The following YWHAZ variants were observed in gnomAD, a reference collection of about 807,000 sequenced individuals.
The protein encoded by YWHAZ is 14-3-3 protein zeta/delta.
For missense variants in YWHAZ, 79 were observed against 284.8 expected (o/e 0.28, Z 5.20); for synonymous variants, 87 against 103.6 (o/e 0.84, Z 0.97).
upstream of YWHAZ, chr8:100,952,244 C>T: frequency 2.7e-6 from 2 of 745,816 alleles, no homozygotes; most frequent in African/African-American, 1.9e-5. Flanking sequence ...CGCGTCCTCG[C>T]CCGCAGCCGC....
chr8:100,931,308 C>A (rs901249591), intron 2 of YWHAZ, among the ~76,000 whole-genome samples: 4 of 152,182 alleles, frequency 2.6e-5, no homozygotes, highest in Admixed American at 6.5e-5. Flanking sequence ...TAGACTCAAC[C>A]TGATCCCACT....
chr8:100,927,251 G>A (rs1376672), intron 2 of YWHAZ, among the ~76,000 whole-genome samples: 67,902 of 151,958 alleles, frequency 0.45, 16,161 homozygotes, highest in South Asian at 0.63. Context: ...TGCAGGGCAC[G>A]GTGGCTCACT....
Position 100,940,809 on chromosome 8 carries a change from A to AAAAATTCAATCAAAAATTCAATGAAT in YWHAZ, c.294+7786_294+7787insATTCATTGAATTTTTGATTGAATTTT, listed in dbSNP as rs1464185849. On this transcript the variant is annotated intron_variant, in intron 2 of 5. Transcript: ENST00000395958. ...AATGCAGTAAAACTTGCCCCAAATC[A>AAAAATTCAATCAAAAATTCAATGAAT]CACAATGAATCAAAAATTCAAAAAG... 9.2e-5 allele frequency among the ~76,000 whole-genome samples: 14 copies of AAAAATTCAATCAAAAATTCAATGAAT among 152,358 alleles called. No homozygotes were observed. The Middle Eastern group carries it at 0.01, about 111-fold the overall frequency.
chr8:100,938,171 C>G (rs951116659), intron 2 of YWHAZ, among the ~76,000 whole-genome samples: 1 of 152,206 alleles, frequency 6.6e-6, no homozygotes, highest in African/African-American at 2.4e-5. Flanking sequence ...AAAATTAAAG[C>G]CACTTATTTT....
At chr8:100,928,773 A>G (rs1170965618) in intron 2 of YWHAZ, among the ~76,000 whole-genome samples, 1 of 152,122 alleles carries the variant, frequency 6.6e-6, no homozygotes, top group Admixed American at 6.6e-5. Context: ...CTCAGCCTCA[A>G]TGGGGTGATA....
intron 1 of YWHAZ, among the ~76,000 whole-genome samples, chr8:100,949,283 T>C (rs34072712): frequency 0.27 from 41,676 of 152,114 alleles, 6,048 homozygotes; most frequent in Non-Finnish European, 0.33. Context: ...CTTTTCTTCC[T>C]TTAGTAAAAG....
chr8:100,923,811 G>T, intron 5 of YWHAZ, 144 bp downstream of exon 5: 1 of 568,754 alleles, frequency 1.8e-6, no homozygotes, highest in Non-Finnish European at 3.0e-6. Context: ...GACTTTAATA[G>T]TAGCTGAGAT....
Position 100,920,467 on chromosome 8 carries a change from C to G in YWHAZ, c.*226G>C. On this transcript the variant is annotated 3_prime_UTR_variant, in exon 6 of 6. Coordinates refer to ENST00000395958, the MANE Select transcript of YWHAZ (RefSeq NM_145690.3). ...TAACTTGTATAAAAATTCCACATCC[C>G]CATATTGGCCACCTCAAGATGAAAA... The G allele has an allele frequency of 1.8e-6, 1 of 556,600 alleles. No individual in the cohort carries two copies. Among genetic ancestry groups the G allele is most frequent in the Non-Finnish European group, 3.2e-6 (1 of 316,342 alleles). 34.5% of individuals were successfully genotyped at this position (556,600 alleles called of 1,614,324 possible).
chr8:100,950,661 G>GGT, intron 1 of YWHAZ: 8 of 915,000 alleles, frequency 8.7e-6, no homozygotes, highest in Non-Finnish European at 1.0e-5. Flanking sequence ...AAGCCGTGGG[G>GGT]GGGGGGGAGA....
At chr8:100,946,838 G>C (rs1206483308) in intron 2 of YWHAZ, among the ~76,000 whole-genome samples, 1 of 129,358 alleles carries the variant, frequency 7.7e-6, no homozygotes. Flanking sequence ...ACTCCAGACT[G>C]AACAAAACTG....
At chr8:100,946,148 C>T (rs1410572431) in intron 2 of YWHAZ, among the ~76,000 whole-genome samples, 2 of 152,106 alleles carry the variant, frequency 1.3e-5, no homozygotes, top group African/African-American at 4.8e-5. Flanking sequence ...CAAGAAGAAA[C>T]TATTTATATG....
chr8:100,924,036 G>A lies in YWHAZ; in HGVS notation c.597C>T (p.Ala199=), dbSNP rs766774243. The A allele has an allele frequency of 1.2e-6, 2 of 1,610,468 alleles. No homozygotes were observed. The highest frequency in any genetic ancestry group is 1.7e-5 in the Admixed American group (1 of 59,084). ...CACTTAATGTATCAAGTTCAGCAAT[G>A]GCTTCATCAAAAGCCTACGATTTAA... ...CSLAKTAFDE[A]IAELDTLSEE... is the part of the protein sequence containing the mutation. Residue 199 remains alanine (A), a synonymous_variant, in exon 5 of 6, where the codon GCC becomes GCT. Transcript: ENST00000395958. This position sits in a 1 kb window ranked among gnomAD's most constrained non-coding sequence, Gnocchi z 5.7.
intron 2 of YWHAZ, among the ~76,000 whole-genome samples, chr8:100,929,978 C>A (rs1813650262): frequency 6.6e-6 from 1 of 152,192 alleles, no homozygotes; most frequent in South Asian, 2.1e-4. Flanking sequence ...CAGAAATAAA[C>A]CTCCTAAATT....
At chr8:100,950,553 G>C (rs1002651824) in intron 1 of YWHAZ, 11 of 985,472 alleles carry the variant, frequency 1.1e-5, no homozygotes, top group Non-Finnish European at 1.3e-5. Flanking sequence ...CTCCTCCTTT[G>C]TCATGGCGGA....
rs1355188331 is a variant in YWHAZ at position 100,917,198 on chromosome 8, T to C, written c.*3495A>G. The C allele has an allele frequency of 6.6e-6, 1 of 152,242 alleles. No homozygotes were observed. Among genetic ancestry groups the C allele is most frequent in the African/African-American group, 2.4e-5 (1 of 41,458 alleles). The allele number at this position is 152,242 out of a possible 1,614,324, so 9.4% of individuals were successfully genotyped here. A position where few individuals can be genotyped will look rare whatever the true frequency, so the allele number is the denominator to read the frequency against. On this transcript the variant is annotated 3_prime_UTR_variant, in exon 6 of 6. Transcript: ENST00000395958. Reference sequence around the variant, plus strand: ...AATATGCATTGAGCCATGACAAGACTGGTGACTCTTTTGCAGGAAAAACAT... The same window carrying C: ...AATATGCATTGAGCCATGACAAGACCGGTGACTCTTTTGCAGGAAAAACAT...
intron 1 of YWHAZ, chr8:100,950,503 G>A (rs1419184094): frequency 2.5e-5 from 25 of 985,430 alleles, no homozygotes; most frequent in South Asian, 4.7e-5. Context: ...CCCCCCTCCA[G>A]GCTCCGCCCA....
chr8:100,943,986 CAA>C, intron 2 of YWHAZ, among the ~76,000 whole-genome samples: 1 of 116,482 alleles, frequency 8.6e-6, no homozygotes. Flanking sequence ...GACTCCGTCT[CAA>C]AAAAAAAAAG....
chr8:100,935,054 G>C (rs907612820), intron 2 of YWHAZ: 3 of 152,000 alleles, frequency 2.0e-5, no homozygotes, highest in Non-Finnish European at 2.9e-5. Flanking sequence ...TCGGGAGGCT[G>C]AGCCAGGAGA....
At chr8:100,942,400 G>A (rs766038158) in intron 2 of YWHAZ, among the ~76,000 whole-genome samples, 1 of 152,102 alleles carries the variant, frequency 6.6e-6, no homozygotes, top group African/African-American at 2.4e-5. Context: ...TAATTAAATG[G>A]AATTACTGAC....
Sources: gnomAD v4.1 joint callset for allele counts (sites outside exome capture counted in the v4.1 genomes callset) on GRCh38, gnomAD v4.1.1 for gene constraint, Gnocchi (gnomAD v3.1) non-coding constraint, MANE v1.5 for transcripts, NCBI Gene and HGNC (gene_info 2026-07-23, HGNC 2026-07-21) for gene names.